Variants in CDH3 observed in about 807,000 individuals in gnomAD.
CDH3 encodes the protein cadherin-3.
CDH3 carries 54 observed loss-of-function variants against 82.0 expected under a neutral mutation model. The ratio of observed to expected loss-of-function variants is 0.66; its 90% CI spans 0.53 to 0.83. The LOEUF (loss-of-function observed/expected upper bound fraction) is 0.83, where lower values mean the gene tolerates loss of function less well. Among genes scored for constraint, CDH3 ranks in the 40% least tolerant of loss-of-function variants. CDH3 has a pLI of 0.00. For missense variants in CDH3, 1,054 were observed against 1,084.6 expected (o/e 0.97, Z 0.40); for synonymous variants, 446 against 437.9 (o/e 1.02, Z -0.23).
At chr16:68,710,577 G>T in intron 1 of CDH3, among the ~76,000 whole-genome samples, 1 of 152,126 alleles carries the variant, frequency 6.6e-6, no homozygotes, top group Non-Finnish European at 1.5e-5. Context: ...AAAAACTATG[G>T]CTGGGCGCGG....
Position 68,685,275 on chromosome 16 carries a change from G to A in CDH3, c.1495G>A (p.Gly499Ser). Reference protein sequence around the residue: ...DPDSGQVTAVGTLDREDEQFV... With the variant: ...DPDSGQVTAVSTLDREDEQFV... Reference sequence around the variant, plus strand: ...AGACAGTGGGCAGGTCACAGCTGTGGGCACCCTCGACCGTGAGGATGAGCA... The same window carrying A: ...AGACAGTGGGCAGGTCACAGCTGTGAGCACCCTCGACCGTGAGGATGAGCA... Residue 499 changes from glycine (G) to serine (S), a missense_variant, in exon 11 of 16, where the codon GGC (glycine) becomes AGC (serine). By Grantham distance (56) the Gly-to-Ser change is moderately conservative. Coordinates refer to ENST00000264012, the MANE Select transcript of CDH3 (RefSeq NM_001793.6). 1 of 1,614,112 alleles carries A rather than the reference G, an allele frequency of 6.2e-7. No individual in the cohort carries two copies. Among genetic ancestry groups the A allele is most frequent in the South Asian group, 1.1e-5 (1 of 91,074 alleles).
chr16:68,650,278 G>A (rs911538907), intron 2 of CDH3, among the ~76,000 whole-genome samples: 48 of 152,024 alleles, frequency 3.2e-4, no homozygotes, highest in Non-Finnish European at 1.6e-4. Flanking sequence ...CACTGTCCCT[G>A]CCCCATTCCT....
At chr16:68,704,783 G>A (rs1240614019), downstream of CDH3, among the ~76,000 whole-genome samples, 2 of 152,220 alleles carry the variant, frequency 1.3e-5, no homozygotes, top group Non-Finnish European at 2.9e-5. Flanking sequence ...AGCCAGGCGT[G>A]ATGGCTCACA....
intron 2 of CDH3, among the ~76,000 whole-genome samples, chr16:68,660,553 G>C (rs1467754716): frequency 3.3e-5 from 5 of 152,122 alleles, no homozygotes; most frequent in Admixed American, 2.6e-4. Flanking sequence ...ACTCATTTCT[G>C]TTCTTATTTT....
intron 1 of CDH3, among the ~76,000 whole-genome samples, chr16:68,708,784 C>G (rs1192390791): frequency 6.6e-6 from 1 of 152,072 alleles, no homozygotes; most frequent in Non-Finnish European, 1.5e-5. Flanking sequence ...GCTGGGATTA[C>G]AGGCACCTGC....
At chr16:68,703,398 C>T (rs1443160490), downstream of CDH3, among the ~76,000 whole-genome samples, 2 of 152,204 alleles carry the variant, frequency 1.3e-5, no homozygotes, top group South Asian at 2.1e-4. Context: ...GGCCCTGAGG[C>T]GATGGGCCTG....
In CDH3 at chr16:68,682,391, G is replaced by A. The variant is rs779888126; in HGVS notation, c.1086G>A (p.Trp362Ter). The A allele has an allele frequency of 7.4e-6, 12 of 1,613,966 alleles. No homozygotes were observed. Among genetic ancestry groups the A allele is most frequent in the Admixed American group, 3.3e-5 (2 of 60,002 alleles). ...TDLDAPNSPA[W>*]RATYLIMGGD... ...TGGACGCCCCCAACTCACCAGCGTG[G>A]CGTGCCACCTACCTTATCATGGGCG... Residue 362 changes from tryptophan to a stop codon, truncating the protein, a stop_gained, in exon 9 of 16, where the codon TGG becomes TGA. Coordinates refer to ENST00000264012, the MANE Select transcript of CDH3 (RefSeq NM_001793.6). LOFTEE classifies it high-confidence loss of function.
intron 2 of CDH3, among the ~76,000 whole-genome samples, chr16:68,661,190 A>G (rs753994945): frequency 1.9e-4 from 29 of 152,176 alleles, no homozygotes; most frequent in Non-Finnish European, 3.8e-4. Context: ...ACTAATATTT[A>G]TGGCACCATT....
chr16:68,721,042 C>A (rs202224783), intron 1 of CDH3, among the ~76,000 whole-genome samples: 1 of 152,042 alleles, frequency 6.6e-6, no homozygotes, highest in African/African-American at 2.4e-5. Context: ...AACCTAGGTG[C>A]GCAGAGGTTT....
At chr16:68,679,441 C>A (rs1961140850) in intron 6 of CDH3, among the ~76,000 whole-genome samples, 5 of 152,108 alleles carry the variant, frequency 3.3e-5, no homozygotes, top group Admixed American at 3.3e-4. Flanking sequence ...CGCCTGGAAC[C>A]CTAGAACTTC....
intron 2 of CDH3, among the ~76,000 whole-genome samples, chr16:68,726,579 G>GTT (rs60673311): frequency 3.0e-4 from 40 of 132,190 alleles, no homozygotes; most frequent in Non-Finnish European, 3.8e-4. Context: ...TTTTTTGGTT[G>GTT]TTTTTTTTTT....
chr16:68,690,372 C>A (rs1158837320), intron 12 of CDH3, among the ~76,000 whole-genome samples: 3 of 152,204 alleles, frequency 2.0e-5, no homozygotes, highest in Admixed American at 2.0e-4. Context: ...GTAATCCCAG[C>A]ACTTTGGGAG....
the CDH3 span, among the ~76,000 whole-genome samples, chr16:68,733,115 C>T: frequency 2.6e-5 from 4 of 152,278 alleles, no homozygotes; most frequent in African/African-American, 9.6e-5. Context: ...TCCCATTTTA[C>T]AGATGAGGAA....
intron 1 of CDH3, among the ~76,000 whole-genome samples, chr16:68,711,295 G>A (rs1962027639): frequency 6.6e-6 from 1 of 151,740 alleles, no homozygotes; most frequent in Admixed American, 6.6e-5. Context: ...GGCAACAAAA[G>A]TGAAACTCCA....
intron 2 of CDH3, among the ~76,000 whole-genome samples, chr16:68,654,379 AAT>A (rs1960346572): frequency 1.4e-5 from 1 of 71,546 alleles, no homozygotes. Context: ...TTTTTAAATT[AAT>A]TTTTTTTTTT....
chr16:68,675,084 G>A (rs1165124314), intron 2 of CDH3, among the ~76,000 whole-genome samples: 1 of 151,982 alleles, frequency 6.6e-6, no homozygotes, highest in East Asian at 1.9e-4. Flanking sequence ...CTGCACTCCA[G>A]CCTGGGTGAC....
At chr16:68,686,212 A>G (rs1961406434) in intron 11 of CDH3, among the ~76,000 whole-genome samples, 1 of 152,148 alleles carries the variant, frequency 6.6e-6, no homozygotes, top group Admixed American at 6.5e-5. Flanking sequence ...AGTGGCCTGC[A>G]CAGGGCCCTT....
At chr16:68,674,224 T>G (rs969341283) in intron 2 of CDH3, among the ~76,000 whole-genome samples, 1 of 152,220 alleles carries the variant, frequency 6.6e-6, no homozygotes, top group Non-Finnish European at 1.5e-5. Flanking sequence ...TTTATAGCCA[T>G]CCTAGTGCAT....
intron 2 of CDH3, among the ~76,000 whole-genome samples, chr16:68,649,647 G>T (rs1250652455): frequency 3.3e-5 from 5 of 152,052 alleles, no homozygotes; most frequent in Non-Finnish European, 7.4e-5. Flanking sequence ...GGGGGTCCCT[G>T]TGCAGTACTT....
Sources: gnomAD v4.1 joint callset for allele counts (sites outside exome capture counted in the v4.1 genomes callset) on GRCh38, gnomAD v4.1.1 for gene constraint, MANE v1.5 for transcripts, NCBI Gene and HGNC (gene_info 2026-07-23, HGNC 2026-07-21) for gene names.